PPP1R16A: variants seen among roughly 807,000 people sequenced by gnomAD.
The protein encoded by PPP1R16A is myosin phosphatase-targeting subunit 3.
A neutral mutation model predicts 46.6 loss-of-function variants in PPP1R16A; 39 were observed. The observed-to-expected ratio is 0.84, with a 90% CI of 0.65 to 1.09. The LOEUF is 1.09. Among genes scored for constraint, PPP1R16A ranks in the 50% least tolerant of loss-of-function variants. The pLI, the probability that PPP1R16A is intolerant of heterozygous loss-of-function variation, is 0.00. For synonymous variants in PPP1R16A, 413 were observed against 321.5 expected, an observed-to-expected ratio of 1.28 and a Z score of -3.04; for missense variants, 798 against 735.6, an observed-to-expected ratio of 1.08 and a Z score of -0.98.
rs1262330590 is a variant in PPP1R16A, at chr8:144,497,172, C to T, written c.-23C>T. ...TCCCCACTCTGGTGCCCCGAGCAGCCCTGTGGGCAAGCAGCCGCCGCCATG... is the reference window on the plus strand; with the variant it reads ...TCCCCACTCTGGTGCCCCGAGCAGCTCTGTGGGCAAGCAGCCGCCGCCATG... On this transcript the variant is annotated 5_prime_UTR_variant, in exon 3 of 12. Coordinates refer to ENST00000435887, the MANE Select transcript of PPP1R16A (RefSeq NM_001329443.2). 6.5e-7 allele frequency: 1 copy of T among 1,546,490 alleles called. No homozygotes were observed. Among genetic ancestry groups the T allele is most frequent in the South Asian group, 1.2e-5 (1 of 84,158 alleles).
At position 144,501,896 on chromosome 8, in the gene PPP1R16A, T is replaced by A; in HGVS notation, c.1580T>A (p.Leu527His). The A allele has an allele frequency of 6.6e-7, 1 of 1,525,668 alleles. No individual in the cohort carries two copies. Among genetic ancestry groups the A allele is most frequent in the Non-Finnish European group, 8.8e-7 (1 of 1,136,632 alleles). 94.5% of individuals were successfully genotyped at this position (1,525,668 alleles called of 1,614,324 possible). A position where few individuals can be genotyped will look rare whatever the true frequency, so the allele number is the denominator to read the frequency against. ...APVERRPCCL[L>H]M is the part of the protein sequence containing the mutation. The stretch of plus-strand genomic sequence containing the variant: ...GTGGAGAGGAGGCCGTGCTGCCTGC[T>A]CATGTGAGGCTGTTGCTCAGCATGC... Residue 527 changes from leucine (L) to histidine (H), a missense_variant, in exon 12 of 12, where the codon CTC becomes CAC. By Grantham distance (99) the Leu-to-His change is moderately conservative (BLOSUM62 -3). Transcript: ENST00000435887.
At position 144,501,266 on chromosome 8, in the gene PPP1R16A, G is replaced by C. The variant is rs776332104; in HGVS notation, c.1175G>C (p.Gly392Ala). The change falls in exon 11 of 12, where the codon GGC (glycine) becomes GCC (alanine). Residue 392 changes from glycine to alanine, a missense_variant. Physicochemically the swap from Gly to Ala is moderately conservative, Grantham distance 60. Transcript: ENST00000435887. ...GAGGACAACGATGACCGCCAGACAG[G>C]CGCAGAGCTCAGGCCGCCGCCCCCG... ...PPEDNDDRQTGAELRPPPPEE... is the reference protein window; with the variant it reads ...PPEDNDDRQTAAELRPPPPEE... 4 of 1,599,896 alleles carry C rather than the reference G, an allele frequency of 2.5e-6. No homozygotes were observed. The highest frequency in any genetic ancestry group is 3.4e-6 in the Non-Finnish European group (4 of 1,177,430).
rs1023097005 is a variant in PPP1R16A, at chr8:144,496,621, C to T, written c.-574C>T. Reference sequence around the variant, plus strand: ...CCCTCCCCCAGCCTCAGCGGCTGCACCTCCTCGTTAGTACTGATGCACTGA... The same window carrying T: ...CCCTCCCCCAGCCTCAGCGGCTGCATCTCCTCGTTAGTACTGATGCACTGA... On this transcript the variant is annotated 5_prime_UTR_variant, in exon 3 of 12. Transcript: ENST00000435887. The T allele has an allele frequency of 5.6e-5, 9 of 161,828 alleles. No individual in the cohort carries two copies. Among genetic ancestry groups the T allele is most frequent in the Non-Finnish European group, 9.6e-5 (7 of 73,034 alleles). 10.0% of individuals were successfully genotyped at this position (161,828 alleles called of 1,614,324 possible).
In PPP1R16A at chr8:144,501,582, T is replaced by C. The variant is rs1423573310; in HGVS notation, c.1266T>C (p.His422=). The C allele has an allele frequency of 6.2e-7, 1 of 1,602,704 alleles. No individual in the cohort carries two copies. Among genetic ancestry groups the C allele is most frequent in the Admixed American group, 1.7e-5 (1 of 58,870 alleles). The change falls in exon 12 of 12, where the codon CAT becomes CAC. Residue 422 remains histidine, a synonymous_variant. Coordinates refer to ENST00000435887, the MANE Select transcript of PPP1R16A (RefSeq NM_001329443.2). The part of the protein sequence containing the change: ...NGRVGGSPVR[H]LYSKRLDRSV... ...GAGTAGGGGGCTCCCCAGTGCGGCA[T>C]CTATACTCCAAGCGACTAGACCGGA...
At chr8:144,500,795 G>A (rs750673373) in intron 9 of PPP1R16A, 34 bp downstream of exon 9, 14 of 1,605,980 alleles carry the variant, frequency 8.7e-6, no homozygotes, top group African/African-American at 5.3e-5. Context: ...ACCTGGGGGA[G>A]AGGACAGGCG....
At chr8:144,491,105 A>G (rs1405048419) in intron 2 of PPP1R16A, among the ~76,000 whole-genome samples, 1 of 152,166 alleles carries the variant, frequency 6.6e-6, no homozygotes. Context: ...GTGTGTATGT[A>G]ACACCTTTAG....
chr8:144,499,238 A>G, intron 5 of PPP1R16A, 177 bp downstream of exon 5: 2 of 868,356 alleles, frequency 2.3e-6, no homozygotes, highest in Non-Finnish European at 3.4e-6. Context: ...GGGAATGGGC[A>G]TGTGCCCAGG....
chr8:144,491,777 A>C (rs1825818629), intron 2 of PPP1R16A, among the ~76,000 whole-genome samples: 1 of 150,452 alleles, frequency 6.6e-6, no homozygotes, highest in Non-Finnish European at 1.5e-5. Flanking sequence ...AAAAAAAAAA[A>C]AAAAGTTAGC....
At position 144,500,877 on chromosome 8, in the gene PPP1R16A, C is replaced by A. The variant is rs1273600718; in HGVS notation, c.943C>A (p.Leu315Met). Reference sequence around the variant, plus strand: ...GGACGAGGAGGTGCGGGCCAAGCTGCTGGAGCTGAAGCACAAGCACGACGC... The same window carrying A: ...GGACGAGGAGGTGCGGGCCAAGCTGATGGAGCTGAAGCACAAGCACGACGC... ...CGDEEVRAKL[L>M]ELKHKHDALL... The change falls in exon 10 of 12, where the codon CTG (leucine) becomes ATG (methionine). Residue 315 changes from leucine to methionine, a missense_variant. By Grantham distance (15) the Leu-to-Met change is conservative. Coordinates refer to ENST00000435887, the MANE Select transcript of PPP1R16A (RefSeq NM_001329443.2). 2 of 1,560,632 alleles carry A rather than the reference C, an allele frequency of 1.3e-6. No individual in the cohort carries two copies. Among genetic ancestry groups the A allele is most frequent in the Non-Finnish European group, 8.7e-7 (1 of 1,154,876 alleles).
At position 144,497,282 on chromosome 8, in the gene PPP1R16A, C is replaced by T. The variant is rs1207717930; in HGVS notation, c.88C>T (p.Arg30Cys). The T allele has an allele frequency of 4.3e-6, 7 of 1,611,292 alleles. No individual in the cohort carries two copies. Among genetic ancestry groups the T allele is most frequent in the Admixed American group, 1.7e-5 (1 of 59,836 alleles). ...GCGGCTGAAGCATGCCCAGAAGCGG[C>T]GCGCCCAGCAGGTGAAGATGTGGGC... ...QERLKHAQKR[R>C]AQQVKMWAQA... Residue 30 changes from arginine (R) to cysteine (C), a missense_variant, in exon 3 of 12, where the codon CGC becomes TGC. Coordinates refer to ENST00000435887, the MANE Select transcript of PPP1R16A (RefSeq NM_001329443.2).
intron 3 of PPP1R16A, 52 bp downstream of exon 3, chr8:144,497,505 T>C (rs751815377): frequency 6.2e-7 from 1 of 1,606,714 alleles, no homozygotes; most frequent in Admixed American, 1.7e-5. Flanking sequence ...CACTCCCTGC[T>C]ACCTGGGTGC....
In PPP1R16A at chr8:144,500,401, G is replaced by C. The variant is rs1270868752; in HGVS notation, c.705+10G>C. 1.3e-6 allele frequency: 2 copies of C among 1,519,604 alleles called. No homozygotes were observed. Among genetic ancestry groups the C allele is most frequent in the East Asian group, 2.5e-5 (1 of 40,682 alleles). The allele number at this position is 1,519,604 out of a possible 1,614,324, so 94.1% of individuals were successfully genotyped here. A position where few individuals can be genotyped will look rare whatever the true frequency, so the allele number is the denominator to read the frequency against. On this transcript the variant is annotated intron_variant, in intron 7 of 11. Coordinates refer to ENST00000435887, the MANE Select transcript of PPP1R16A (RefSeq NM_001329443.2). ...CCACGGGGCCACGCTGGTGAGGGCT[G>C]GGGGGTGAGGGGCACACGGGGCTGG... is the stretch of plus-strand genomic sequence containing the variant.
chr8:144,497,596 C>G (rs1200203842), intron 3 of PPP1R16A, 143 bp downstream of exon 3: 2 of 1,250,468 alleles, frequency 1.6e-6, no homozygotes, highest in African/African-American at 1.5e-5. Flanking sequence ...TCTCTTCAGG[C>G]TGGGTGGCCC....
Position 144,497,320 on chromosome 8 carries a change from G to A in PPP1R16A, c.126G>A (p.Lys42=). The A allele has an allele frequency of 2.5e-6, 4 of 1,612,654 alleles. No homozygotes were observed. Among genetic ancestry groups the A allele is most frequent in the Non-Finnish European group, 3.4e-6 (4 of 1,179,832 alleles). Residue 42 remains lysine (K), a synonymous_variant, in exon 3 of 12, where the codon AAG becomes AAA. Coordinates refer to ENST00000435887, the MANE Select transcript of PPP1R16A (RefSeq NM_001329443.2). ...QQVKMWAQAE[K]EAQGKKGPGE... is the part of the protein sequence containing the mutation. ...TGAAGATGTGGGCCCAGGCTGAGAA[G>A]GAGGCCCAGGGCAAGAAGGGTCCTG...
At position 144,497,181 on chromosome 8, in the gene PPP1R16A, A is replaced by C; in HGVS notation, c.-14A>C. 1 of 1,549,122 alleles carries C rather than the reference A, an allele frequency of 6.5e-7. No individual in the cohort carries two copies. The highest frequency in any genetic ancestry group is 8.7e-7 in the Non-Finnish European group (1 of 1,149,446). On this transcript the variant is annotated 5_prime_UTR_variant, in exon 3 of 12. Coordinates refer to ENST00000435887, the MANE Select transcript of PPP1R16A (RefSeq NM_001329443.2). ...TGGTGCCCCGAGCAGCCCTGTGGGC[A>C]AGCAGCCGCCGCCATGGCCGAGCAC... is the stretch of plus-strand genomic sequence containing the variant.
At chr8:144,497,575 A>G (rs1826137596) in intron 3 of PPP1R16A, 122 bp downstream of exon 3, 6 of 1,409,144 alleles carry the variant, frequency 4.3e-6, no homozygotes, top group Non-Finnish European at 5.9e-6. Context: ...CAGCCCCCAG[A>G]TCTTGCCTGG....
At chr8:144,501,377 G>A in intron 11 of PPP1R16A, 83 bp downstream of exon 11, 1 of 1,498,112 alleles carries the variant, frequency 6.7e-7, no homozygotes, top group Non-Finnish European at 8.9e-7. Context: ...ACCCCCTCCT[G>A]CCTGTGTCAG....
intron 1 of PPP1R16A, chr8:144,479,190 C>G (rs1825298918): frequency 6.6e-6 from 1 of 152,424 alleles, no homozygotes; most frequent in South Asian, 2.1e-4. Context: ...GGACCCAGAG[C>G]CACGACTCGC....
chr8:144,484,991 T>C (rs1378893299), intron 1 of PPP1R16A, among the ~76,000 whole-genome samples: 2 of 151,914 alleles, frequency 1.3e-5, no homozygotes, highest in Non-Finnish European at 2.9e-5. Flanking sequence ...AGAGGCCGGG[T>C]GCGTGGCTCA....
Sources: gnomAD v4.1 joint callset for allele counts (sites outside exome capture counted in the v4.1 genomes callset) on GRCh38, gnomAD v4.1.1 for gene constraint, MANE v1.5 for transcripts, NCBI Gene and HGNC (gene_info 2026-07-23, HGNC 2026-07-21) for gene names.